Variants in ZZZ3 observed in about 807,000 individuals in gnomAD.
ZZZ3 encodes ZZ-type zinc finger-containing protein 3.
Under a neutral mutation model 95.2 loss-of-function variants are expected in ZZZ3, and 22 were observed. The ratio of observed to expected loss-of-function variants is 0.23; its 90% CI spans 0.17 to 0.33. The LOEUF is 0.33. ZZZ3 is among the 10% of genes least tolerant of loss of function. The probability of loss-of-function intolerance (pLI) is 1.00; values close to 1 mark genes in which losing one functional copy is unlikely to be tolerated. For missense variants in ZZZ3, 885 were observed against 1,066.5 expected (o/e 0.83, Z 2.37); for synonymous variants, 335 against 358.9 (o/e 0.93, Z 0.75).
In ZZZ3 at chr1:77,659,901, T is replaced by C. The variant is rs529424559; in HGVS notation, c.-402-18246A>G. On this transcript the variant is annotated intron_variant, in intron 1 of 14. Transcript: ENST00000370801. ...AGGCTAGAGGGCAGTGGCAGGACAA[T>C]AGCTCACTGCCACCTCAAATTCCTG... is the stretch of plus-strand genomic sequence containing the variant. 9.9e-5 allele frequency among the ~76,000 whole-genome samples: 15 copies of C among 152,144 alleles called. No homozygotes were observed. The South Asian group carries it at 3.1e-3, about 32-fold the overall frequency.
At chr1:77,583,779 T>C (rs1662774833) in intron 6 of ZZZ3, among the ~76,000 whole-genome samples, 1 of 152,156 alleles carries the variant, frequency 6.6e-6, no homozygotes, top group Non-Finnish European at 1.5e-5. Context: ...AATCTTTTCA[T>C]ACAATGCTGA....
In ZZZ3 at chr1:77,632,738, T is replaced by A. The variant is rs770419256; in HGVS notation, c.617A>T (p.Asp206Val). ...GTTTATAACAGCTGAATCACTGTCA[T>A]CAACACCATTGACAGCCAAATAGCC... ...ITGYLAVNGV[D>V]DSDSAVINCD... The change falls in exon 5 of 15, where the codon GAT becomes GTT. Residue 206 changes from aspartate to valine, a missense_variant. Asp to Val is a radical substitution (Grantham distance 152). Transcript: ENST00000370801. The A allele has an allele frequency of 1.2e-6, 2 of 1,614,212 alleles. No homozygotes were observed. Among genetic ancestry groups the A allele is most frequent in the Non-Finnish European group, 1.7e-6 (2 of 1,180,028 alleles).
At chr1:77,639,804 A>C (rs988695562) in intron 3 of ZZZ3, among the ~76,000 whole-genome samples, 9 of 152,178 alleles carry the variant, frequency 5.9e-5, no homozygotes, top group Non-Finnish European at 1.2e-4. Flanking sequence ...AGCAAACCAA[A>C]AAGATACTAA....
chr1:77,665,458 A>G (rs1045602689), intron 1 of ZZZ3, among the ~76,000 whole-genome samples: 7 of 152,220 alleles, frequency 4.6e-5, no homozygotes, highest in Admixed American at 6.5e-5. Flanking sequence ...TAATTAGAAT[A>G]TTGAAATTAC....
intron 1 of ZZZ3, among the ~76,000 whole-genome samples, chr1:77,651,895 T>C (rs1312810194): frequency 6.6e-6 from 1 of 151,792 alleles, no homozygotes; most frequent in Admixed American, 6.6e-5. Flanking sequence ...CGTGCATCTG[T>C]AGTCCCAGCT....
chr1:77,567,998 A>C (rs1279221661), intron 13 of ZZZ3, among the ~76,000 whole-genome samples: 1 of 152,202 alleles, frequency 6.6e-6, no homozygotes, highest in African/African-American at 2.4e-5. Flanking sequence ...TTTTTCCTAC[A>C]TGCTTAGCAA....
chr1:77,656,049 A>T (rs1362279446), intron 1 of ZZZ3, among the ~76,000 whole-genome samples: 1 of 152,268 alleles, frequency 6.6e-6, no homozygotes, highest in Non-Finnish European at 1.5e-5. Context: ...AATGAAGCAT[A>T]AATAATTCAG....
At chr1:77,620,452 C>T (rs1417606525) in intron 5 of ZZZ3, among the ~76,000 whole-genome samples, 2 of 147,190 alleles carry the variant, frequency 1.4e-5, no homozygotes, top group African/African-American at 5.0e-5. Context: ...ATGACAGTGG[C>T]CTACATTAGA....
At chr1:77,654,586 A>G (rs886255886) in intron 1 of ZZZ3, among the ~76,000 whole-genome samples, 8 of 152,204 alleles carry the variant, frequency 5.3e-5, no homozygotes, top group African/African-American at 1.9e-4. Context: ...GGTTGGTTCA[A>G]TGCAATTCAC....
At chr1:77,577,447 C>CT (rs1557692516) in intron 11 of ZZZ3, among the ~76,000 whole-genome samples, 1 of 152,136 alleles carries the variant, frequency 6.6e-6, no homozygotes, top group African/African-American at 2.4e-5. Flanking sequence ...ACAGGTTGTG[C>CT]TATATTTGGT....
At chr1:77,584,948 CGTT>C (rs1662940741) in intron 5 of ZZZ3, 1 of 193,168 alleles carries the variant, frequency 5.2e-6, no homozygotes, top group South Asian at 1.9e-4. Context: ...CAATCAAAGT[CGTT>C]AAGAAACTGC....
intron 5 of ZZZ3, among the ~76,000 whole-genome samples, chr1:77,593,864 G>GGA (rs1170263376): frequency 6.6e-6 from 1 of 152,086 alleles, no homozygotes; most frequent in East Asian, 1.9e-4. Flanking sequence ...AACTAACCAT[G>GGA]GAACTTTATT....
chr1:77,570,913 G>C (rs1293345834), intron 12 of ZZZ3, among the ~76,000 whole-genome samples: 1 of 132,968 alleles, frequency 7.5e-6, no homozygotes, highest in Non-Finnish European at 1.5e-5. Context: ...CCAGTGATTT[G>C]CTCATCTAGG....
At chr1:77,581,359 T>C (rs1427409529) in intron 8 of ZZZ3, among the ~76,000 whole-genome samples, 1 of 152,206 alleles carries the variant, frequency 6.6e-6, no homozygotes, top group African/African-American at 2.4e-5. Context: ...AAGTAACATG[T>C]CCACTGAGGT....
At chr1:77,662,930 C>T (rs548221947) in intron 1 of ZZZ3, among the ~76,000 whole-genome samples, 6 of 152,266 alleles carry the variant, frequency 3.9e-5, no homozygotes, top group African/African-American at 1.4e-4. Flanking sequence ...TATAGTGACG[C>T]TCCGTCTCTA....
intron 5 of ZZZ3, among the ~76,000 whole-genome samples, chr1:77,586,377 A>C (rs1302178031): frequency 6.6e-6 from 1 of 152,222 alleles, no homozygotes; most frequent in Non-Finnish European, 1.5e-5. Context: ...TTAAAACTTC[A>C]GTAAATGCTG....
intron 1 of ZZZ3, among the ~76,000 whole-genome samples, chr1:77,681,712 T>C (rs990383290): frequency 6.6e-6 from 1 of 151,882 alleles, no homozygotes; most frequent in African/African-American, 2.4e-5. Context: ...GCCAACATGG[T>C]GAAACCCCGT....
At chr1:77,668,456 TA>T in intron 1 of ZZZ3, among the ~76,000 whole-genome samples, 1 of 152,234 alleles carries the variant, frequency 6.6e-6, no homozygotes, top group Admixed American at 6.5e-5. Context: ...TCCACATCAA[TA>T]ACAAAGAGCA....
chr1:77,588,880 TTTC>T (rs1020039047), intron 5 of ZZZ3, among the ~76,000 whole-genome samples: 1 of 152,174 alleles, frequency 6.6e-6, no homozygotes, highest in African/African-American at 2.4e-5. Context: ...GAATTAGGGT[TTTC>T]TTATTTTCGC....
Sources: allele counts gnomAD v4.1 joint callset (sites outside exome capture counted in the v4.1 genomes callset), GRCh38; gene constraint gnomAD v4.1.1; transcripts MANE v1.5; gene names NCBI Gene and HGNC (gene_info 2026-07-23, HGNC 2026-07-21).